The following CYP4Z1 variants were observed in gnomAD, a reference collection of about 807,000 sequenced individuals.
CYP4Z1 encodes cytochrome P450 4Z1.
In CYP4Z1, 41 loss-of-function variants were observed where a neutral mutation model predicts 54.2. That is an observed-to-expected ratio of 0.76 (90% CI 0.59 to 0.98). The LOEUF (loss-of-function observed/expected upper bound fraction) is 0.98. CYP4Z1 is among the 50% of genes least tolerant of loss of function. The pLI, the probability that CYP4Z1 is intolerant of heterozygous loss-of-function variation, is 0.00. For missense variants in CYP4Z1, 513 were observed against 599.0 expected (o/e 0.86, Z 1.50); for synonymous variants, 163 against 206.2 (o/e 0.79, Z 1.79).
In CYP4Z1 at chr1:47,098,096, C is replaced by T. The variant is rs142930863; in HGVS notation, c.877-998C>T. Among the ~76,000 whole-genome samples the T allele has an allele frequency of 4.8e-3, 734 of 152,234 alleles. 6 individuals carry two copies. The highest frequency in any genetic ancestry group is 0.017 in the African/African-American group (689 of 41,552). On this transcript the variant is annotated intron_variant, in intron 7 of 11. Transcript: ENST00000334194. ...CCTTCCAAAGTGCTGGGATTACAAGCGTGAGCCGCTGCACCCAGCCCCATA... is the reference window on the plus strand; with the variant it reads ...CCTTCCAAAGTGCTGGGATTACAAGTGTGAGCCGCTGCACCCAGCCCCATA...
intron 8 of CYP4Z1, among the ~76,000 whole-genome samples, chr1:47,105,568 C>A (rs1450850866): frequency 1.3e-5 from 2 of 152,198 alleles, no homozygotes; most frequent in Non-Finnish European, 2.9e-5. Context: ...GCCAAACAGG[C>A]TGCCTCACTT....
intron 9 of CYP4Z1, among the ~76,000 whole-genome samples, chr1:47,113,178 C>T (rs1193504843): frequency 6.6e-6 from 1 of 152,170 alleles, no homozygotes; most frequent in Admixed American, 6.6e-5. Flanking sequence ...TACAACCTCC[C>T]AGTCACCCAA....
chr1:47,055,909 C>T, the CYP4Z1 span, among the ~76,000 whole-genome samples: 3 of 152,030 alleles, frequency 2.0e-5, no homozygotes, highest in Non-Finnish European at 4.4e-5. Flanking sequence ...TTTTTTATGT[C>T]TCTATTTCCT....
chr1:47,093,344 G>A (rs535350593), intron 6 of CYP4Z1, among the ~76,000 whole-genome samples: 9 of 152,098 alleles, frequency 5.9e-5, no homozygotes, highest in Admixed American at 1.3e-4. Context: ...GGTCGAAGGC[G>A]TGGTCCTCCA....
At chr1:47,082,013 T>TA (rs1234575257) in intron 3 of CYP4Z1, among the ~76,000 whole-genome samples, 1 of 149,918 alleles carries the variant, frequency 6.7e-6, no homozygotes, top group Non-Finnish European at 1.5e-5. Context: ...TCTGAAGGAT[T>TA]AAGCCAAGGA....
At chr1:47,103,687 C>G (rs1452998382) in intron 8 of CYP4Z1, among the ~76,000 whole-genome samples, 1 of 150,318 alleles carries the variant, frequency 6.7e-6, no homozygotes, top group South Asian at 2.1e-4. Context: ...CTCCACCTCC[C>G]GGGTTCAAGC....
chr1:47,103,755 C>G (rs1569746751), intron 8 of CYP4Z1, among the ~76,000 whole-genome samples: 1 of 152,018 alleles, frequency 6.6e-6, no homozygotes, highest in African/African-American at 2.4e-5. Flanking sequence ...CCACCACAAC[C>G]AGCTAAGTTT....
rs149156333 is a variant in CYP4Z1, at chr1:47,106,128, G to T, written c.1068G>T (p.Trp356Cys). 21 of 1,612,882 alleles carry T rather than the reference G, an allele frequency of 1.3e-5. No individual in the cohort carries two copies. The Admixed American group carries it at 3.5e-4, about 27-fold the overall frequency. ...CCTTTCCTCCTGTGCTTCTACCCAGGGAACACCTGAGCCAGATGCCTTACA... is the reference window on the plus strand; with the variant it reads ...CCTTTCCTCCTGTGCTTCTACCCAGTGAACACCTGAGCCAGATGCCTTACA... ...ELLGDGSSIT[W>C]EHLSQMPYTT... Residue 356 changes from tryptophan to cysteine, a missense_variant and splice_region_variant, in exon 9 of 12, where the codon TGG (tryptophan) becomes TGT (cysteine). By Grantham distance (215) the Trp-to-Cys change is radical. Transcript: ENST00000334194.
intron 8 of CYP4Z1, among the ~76,000 whole-genome samples, chr1:47,103,565 T>G (rs1644735308): frequency 1.3e-5 from 2 of 150,872 alleles, no homozygotes; most frequent in African/African-American, 4.9e-5. Context: ...CTCTTGTATC[T>G]CACCTTCTTC....
chr1:47,117,509 C>T (rs909370600), intron 11 of CYP4Z1, among the ~76,000 whole-genome samples: 9 of 151,940 alleles, frequency 5.9e-5, no homozygotes, highest in Admixed American at 1.3e-4. Flanking sequence ...CCAGCACTTT[C>T]GGAGGCCAAG....
At chr1:47,077,255 G>A (rs1245750730) in intron 2 of CYP4Z1, among the ~76,000 whole-genome samples, 1 of 151,822 alleles carries the variant, frequency 6.6e-6, no homozygotes, top group Admixed American at 6.6e-5. Context: ...TATACTGTGG[G>A]GTTCTATTGT....
chr1:47,067,008 G>T (rs1644454971), upstream of CYP4Z1, among the ~76,000 whole-genome samples: 1 of 152,162 alleles, frequency 6.6e-6, no homozygotes, highest in East Asian at 1.9e-4. Context: ...AGGGAAGCTG[G>T]AAGGGAGGGG....
chr1:47,084,138 CTCTTAACTGCA>C (rs1205498426), intron 4 of CYP4Z1, among the ~76,000 whole-genome samples: 1 of 152,118 alleles, frequency 6.6e-6, no homozygotes, highest in Non-Finnish European at 1.5e-5. Context: ...TCTGTCTTGA[CTCTTAACTGCA>C]AACTCTTTGA....
At position 47,067,638 on chromosome 1, in the gene CYP4Z1, C is replaced by T. The variant is rs145478155; in HGVS notation, c.148C>T (p.Pro50Ser). ...AGCCCTGCACCTGTTTCCTGCACCCCCTGCCCACTGGTTCTATGGCCACAA... is the reference window on the plus strand; with the variant it reads ...AGCCCTGCACCTGTTTCCTGCACCCTCTGCCCACTGGTTCTATGGCCACAA... ...IRALHLFPAP[P>S]AHWFYGHKEF... The change falls in exon 1 of 12, where the codon CCT becomes TCT. Residue 50 changes from proline to serine, a missense_variant. Transcript: ENST00000334194. 3.0e-4 allele frequency: 481 copies of T among 1,610,486 alleles called. No homozygotes were observed. In the African/African-American group the frequency reaches 5.6e-3, roughly 19 times the overall value.
At position 47,117,926 on chromosome 1, in the gene CYP4Z1, G is replaced by T. The variant is rs1239477453; in HGVS notation, c.1510G>T (p.Val504Phe). 1.2e-6 allele frequency: 2 copies of T among 1,612,612 alleles called. No homozygotes were observed. Among genetic ancestry groups the T allele is most frequent in the Admixed American group, 3.4e-5 (2 of 59,590 alleles). The change falls in exon 12 of 12, where the codon GTT becomes TTT. Residue 504 changes from valine (V) to phenylalanine (F), a missense_variant. Coordinates refer to ENST00000334194, the MANE Select transcript of CYP4Z1 (RefSeq NM_178134.3). Reference protein sequence around the residue: ...KNGIHVFAKKVC With the variant: ...KNGIHVFAKKFC Reference sequence around the variant, plus strand: ...TGGAATCCATGTGTTTGCAAAAAAAGTTTGCTAATTTTAAGTCCTTTCGTA... The same window carrying T: ...TGGAATCCATGTGTTTGCAAAAAAATTTTGCTAATTTTAAGTCCTTTCGTA...
At chr1:47,079,996 C>T (rs1449678614) in intron 2 of CYP4Z1, among the ~76,000 whole-genome samples, 4 of 152,000 alleles carry the variant, frequency 2.6e-5, no homozygotes, top group African/African-American at 9.7e-5. Context: ...GAAAGTGAAT[C>T]TCATGTTAAC....
At chr1:47,105,464 G>A (rs984533188) in intron 8 of CYP4Z1, among the ~76,000 whole-genome samples, 5 of 152,114 alleles carry the variant, frequency 3.3e-5, no homozygotes, top group Non-Finnish European at 5.9e-5. Context: ...AGCTAGTATT[G>A]TAGGAGTCCG....
rs1259582971 is a variant in CYP4Z1, at chr1:47,099,222, G to A, written c.1005G>A (p.Glu335=). The part of the protein sequence containing the change: ...WILYCLAKYP[E]HQQRCRDEIR... ...TTTACTGCTTGGCAAAGTACCCTGA[G>A]CATCAGCAGAGATGCCGAGATGAAA... Residue 335 remains glutamate (E), a synonymous_variant, in exon 8 of 12, where the codon GAG becomes GAA. Transcript: ENST00000334194. The A allele has an allele frequency of 6.2e-7, 1 of 1,613,758 alleles. No homozygotes were observed. The highest frequency in any genetic ancestry group is 2.2e-5 in the East Asian group (1 of 44,820).
intron 1 of CYP4Z1, 102 bp downstream of exon 1, chr1:47,067,769 T>G: frequency 9.4e-7 from 1 of 1,065,056 alleles, no homozygotes; most frequent in East Asian, 2.7e-5. Flanking sequence ...TGCAAAATGC[T>G]TTCACACCAA....
Sources: allele counts gnomAD v4.1 joint callset (sites outside exome capture counted in the v4.1 genomes callset), GRCh38; gene constraint gnomAD v4.1.1; transcripts MANE v1.5; gene names NCBI Gene and HGNC (gene_info 2026-07-23, HGNC 2026-07-21).